FBXO38: variants seen among roughly 807,000 people sequenced by gnomAD.
FBXO38 encodes the protein F-box protein 38.
A neutral mutation model predicts 131.9 loss-of-function variants in FBXO38; 53 were observed. That is an observed-to-expected ratio of 0.40 (90% confidence interval 0.32 to 0.51). The LOEUF (loss-of-function observed/expected upper bound fraction) is 0.51, where lower values mean the gene tolerates loss of function less well. Among genes scored for constraint, FBXO38 ranks in the 20% least tolerant of loss-of-function variants. The probability of loss-of-function intolerance (pLI) is 0.53; values close to 1 mark genes in which losing one functional copy is unlikely to be tolerated. For synonymous variants in FBXO38, 452 were observed against 505.6 expected (o/e 0.89, Z 1.42); for missense variants, 1,076 against 1,475.6 (o/e 0.73, Z 4.44).
intron 15 of FBXO38, among the ~76,000 whole-genome samples, chr5:148,429,933 A>AT (rs910094926): frequency 1.3e-4 from 20 of 151,692 alleles, no homozygotes; most frequent in African/African-American, 4.3e-4. Flanking sequence ...TTATTATGTG[A>AT]TTTTTTTCAA....
chr5:148,389,563 G>A (rs1306343028), intron 1 of FBXO38, among the ~76,000 whole-genome samples: 5 of 152,156 alleles, frequency 3.3e-5, no homozygotes, highest in African/African-American at 9.6e-5. Flanking sequence ...TACGTTCTCT[G>A]CATTACTGAG....
rs201806797 is a variant in FBXO38 at position 148,439,634 on chromosome 5, A to T, written c.3025-13A>T. ...TCTTTGTTGAAGACATCTCTTTATGATGTCTTCCACAGGTGGACACTCTAA... is the reference window on the plus strand; with the variant it reads ...TCTTTGTTGAAGACATCTCTTTATGTTGTCTTCCACAGGTGGACACTCTAA... On this transcript the variant is annotated splice_polypyrimidine_tract_variant and intron_variant, in intron 18 of 21. Transcript: ENST00000340253. The T allele has an allele frequency of 2.5e-4, 403 of 1,600,372 alleles. No individual in the cohort carries two copies. Among genetic ancestry groups the T allele is most frequent in the Non-Finnish European group, 3.3e-4 (388 of 1,178,704 alleles).
intron 9 of FBXO38, chr5:148,413,418 A>G (rs1752877028): frequency 6.6e-6 from 1 of 151,964 alleles, no homozygotes; most frequent in African/African-American, 2.4e-5. Context: ...TATCCCCAGC[A>G]CTATGCTAGA....
At chr5:148,406,498 CGTCA>C (rs1249951733) in intron 7 of FBXO38, 104 bp downstream of exon 7, 33 of 864,666 alleles carry the variant, frequency 3.8e-5, no homozygotes, top group Non-Finnish European at 3.9e-5. Flanking sequence ...AGAAAATGCT[CGTCA>C]GTAACTGCTT....
chr5:148,441,873 C>T (rs149410386), intron 21 of FBXO38, 96 bp from the exon 22 acceptor site: 2 of 925,312 alleles, frequency 2.2e-6, no homozygotes, highest in African/African-American at 3.3e-5. Flanking sequence ...CATTATAGTG[C>T]AGTATATGGG....
At chr5:148,398,476 C>G (rs76818493) in intron 2 of FBXO38, among the ~76,000 whole-genome samples, 19 of 150,490 alleles carry the variant, frequency 1.3e-4, no homozygotes, top group Admixed American at 2.7e-4. Context: ...AAATTGTGTA[C>G]TATATGACTA....
At chr5:148,416,507 A>G (rs907455672) in intron 11 of FBXO38, 3 of 166,354 alleles carry the variant, frequency 1.8e-5, no homozygotes, top group African/African-American at 4.8e-5. Context: ...GTTAAGTTGT[A>G]TAGCCTGGGA....
At chr5:148,422,295 A>AT (rs930077995) in intron 12 of FBXO38, among the ~76,000 whole-genome samples, 15 of 152,256 alleles carry the variant, frequency 9.9e-5, no homozygotes, top group African/African-American at 3.6e-4. Context: ...CCACTACATC[A>AT]TTCTTGAACA....
chr5:148,392,170 G>A (rs955239213), intron 1 of FBXO38, among the ~76,000 whole-genome samples: 6 of 152,092 alleles, frequency 3.9e-5, no homozygotes, highest in African/African-American at 1.4e-4. Context: ...TACAGTGATG[G>A]GTATCATTTA....
chr5:148,433,206 A>G, intron 15 of FBXO38: 1 of 442,336 alleles, frequency 2.3e-6, no homozygotes, highest in South Asian at 3.0e-5. Context: ...AGGCATGAGA[A>G]GGGTTGTTAT....
intron 1 of FBXO38, among the ~76,000 whole-genome samples, chr5:148,387,690 C>CTTTTTTTTTTTT (rs142417126): frequency 7.9e-6 from 1 of 126,686 alleles, no homozygotes; most frequent in African/African-American, 3.0e-5. Flanking sequence ...GAATTTATTT[C>CTTTTTTTTTTTT]TTTTTTTTTT....
intron 1 of FBXO38, among the ~76,000 whole-genome samples, chr5:148,387,339 T>A (rs545716022): frequency 6.6e-6 from 1 of 152,228 alleles, no homozygotes; most frequent in Non-Finnish European, 1.5e-5. Flanking sequence ...TCAAGTTTTA[T>A]CATGAGATTG....
In FBXO38 at chr5:148,442,158, C is replaced by G; in HGVS notation, c.*11C>G. On this transcript the variant is annotated 3_prime_UTR_variant, in exon 22 of 22. Coordinates refer to ENST00000340253, the MANE Select transcript of FBXO38 (RefSeq NM_205836.3). ...GATGACTACATTTAATTGGTCCCTC[C>G]TCCTTTCCAGCTATTTTGTCAGAAA... The G allele has an allele frequency of 6.2e-7, 1 of 1,611,192 alleles. No individual in the cohort carries two copies. The highest frequency in any genetic ancestry group is 8.5e-7 in the Non-Finnish European group (1 of 1,177,890).
At chr5:148,398,973 AATACG>A in intron 2 of FBXO38, 21 bp from the exon 3 acceptor site, 1 of 1,612,390 alleles carries the variant, frequency 6.2e-7, no homozygotes, top group Non-Finnish European at 8.5e-7. Flanking sequence ...CCACTTGATA[AATACG>A]AGTTTCTTTC....
chr5:148,386,905 A>C (rs1757942248), intron 1 of FBXO38, among the ~76,000 whole-genome samples: 1 of 151,724 alleles, frequency 6.6e-6, no homozygotes, highest in African/African-American at 2.4e-5. Context: ...TAAAGTACTT[A>C]ATTTAAAAAA....
At chr5:148,384,944 C>T (rs1314701049) in intron 1 of FBXO38, 1 of 152,194 alleles carries the variant, frequency 6.6e-6, no homozygotes, top group Non-Finnish European at 1.5e-5. Context: ...CAAATCCCTT[C>T]CTCTCTCTGA....
At chr5:148,413,229 A>T (rs1752858141) in intron 9 of FBXO38, 1 of 152,200 alleles carries the variant, frequency 6.6e-6, no homozygotes, top group Non-Finnish European at 1.5e-5. Flanking sequence ...AAAGACTGTC[A>T]ACTATATGGA....
intron 3 of FBXO38, among the ~76,000 whole-genome samples, chr5:148,401,371 C>G (rs1752140150): frequency 6.6e-6 from 1 of 152,140 alleles, no homozygotes; most frequent in Non-Finnish European, 1.5e-5. Flanking sequence ...TTGGATCACT[C>G]TGGTTCTCTT....
intron 12 of FBXO38, among the ~76,000 whole-genome samples, chr5:148,421,491 A>G (rs1753429305): frequency 6.6e-6 from 1 of 152,196 alleles, no homozygotes; most frequent in Non-Finnish European, 1.5e-5. Context: ...TTATGCAACA[A>G]TTTCACTGCA....
Sources: allele counts gnomAD v4.1 joint callset (sites outside exome capture counted in the v4.1 genomes callset), GRCh38; gene constraint gnomAD v4.1.1; transcripts MANE v1.5; gene names NCBI Gene and HGNC (gene_info 2026-07-23, HGNC 2026-07-21).